TRAPPC9: variants seen among roughly 807,000 people sequenced by gnomAD.
TRAPPC9 encodes the protein trafficking protein particle complex subunit 9.
In TRAPPC9, 83 loss-of-function variants were observed where a neutral mutation model predicts 124.0. That is an observed-to-expected ratio of 0.67 (90% CI 0.56 to 0.80). The LOEUF (loss-of-function observed/expected upper bound fraction) is 0.80, where lower values mean the gene tolerates loss of function less well. Among genes scored for constraint, TRAPPC9 ranks in the 30% least tolerant of loss-of-function variants. The pLI, the probability that TRAPPC9 is intolerant of heterozygous loss-of-function variation, is 0.00. For missense variants in TRAPPC9, 1,302 were observed against 1,508.3 expected (o/e 0.86, Z 2.27); for synonymous variants, 638 against 617.5 (o/e 1.03, Z -0.49).
intron 20 of TRAPPC9, among the ~76,000 whole-genome samples, chr8:139,893,761 C>T (rs543416710): frequency 2.0e-5 from 3 of 152,358 alleles, no homozygotes; most frequent in South Asian, 4.1e-4. Context: ...GTAACTGATG[C>T]TGGCCCTTGG....
intron 7 of TRAPPC9, among the ~76,000 whole-genome samples, chr8:140,376,071 C>T (rs1267283147): frequency 1.3e-5 from 2 of 152,066 alleles, no homozygotes; most frequent in South Asian, 2.1e-4. Context: ...TCTCATATCC[C>T]GGAGTAGGGG....
In TRAPPC9 at chr8:139,785,644, G is replaced by A. The variant is rs908201778; in HGVS notation, c.3056-53442C>T. ...CTCGGGAGGCTGAGGCACATGAATCGCTTGAACCCGTGAGGTGGAGGTTGC... is the reference window on the plus strand; with the variant it reads ...CTCGGGAGGCTGAGGCACATGAATCACTTGAACCCGTGAGGTGGAGGTTGC... On this transcript the variant is annotated intron_variant, in intron 21 of 22. Coordinates refer to ENST00000438773, the MANE Select transcript of TRAPPC9 (RefSeq NM_001160372.4). Among the ~76,000 whole-genome samples the A allele has an allele frequency of 4.6e-5, 7 of 150,822 alleles. No homozygotes were observed. The East Asian group carries it at 5.9e-4, about 13-fold the overall frequency.
intron 9 of TRAPPC9, among the ~76,000 whole-genome samples, chr8:140,339,825 C>A (rs2067144607): frequency 6.6e-6 from 1 of 152,152 alleles, no homozygotes; most frequent in South Asian, 2.1e-4. Flanking sequence ...GCATTAAGTA[C>A]CTGCAACATA....
chr8:139,899,120 CAAAAAAAA>C (rs33927933), intron 20 of TRAPPC9, among the ~76,000 whole-genome samples: 2 of 45,468 alleles, frequency 4.4e-5, no homozygotes, highest in Non-Finnish European at 7.6e-5. Context: ...AACTCCGTCT[CAAAAAAAA>C]AAAAAAAAAA....
chr8:140,167,895 T>C (rs1032641741), intron 17 of TRAPPC9, among the ~76,000 whole-genome samples: 8 of 152,228 alleles, frequency 5.3e-5, no homozygotes, highest in African/African-American at 1.9e-4. Context: ...CTGCTCTGAA[T>C]GAACCTGCTC....
chr8:140,134,284 C>T (rs533827443), intron 17 of TRAPPC9, among the ~76,000 whole-genome samples: 42 of 151,396 alleles, frequency 2.8e-4, no homozygotes, highest in African/African-American at 9.7e-4. Context: ...TTTTCTTTTC[C>T]GGGGCAGAGT....
chr8:140,154,926 T>C (rs1424438279), intron 17 of TRAPPC9, among the ~76,000 whole-genome samples: 1 of 152,202 alleles, frequency 6.6e-6, no homozygotes, highest in Non-Finnish European at 1.5e-5. Flanking sequence ...AGTTCCCTCC[T>C]GCGGGCTCCA....
At chr8:140,311,456 A>G (rs2066296814) in intron 9 of TRAPPC9, 82 bp from the exon 10 acceptor site, 5 of 1,540,350 alleles carry the variant, frequency 3.2e-6, no homozygotes, top group African/African-American at 1.4e-5. Flanking sequence ...GGGGCATTTC[A>G]TGACAGTCCA....
intron 21 of TRAPPC9, among the ~76,000 whole-genome samples, chr8:139,856,090 C>T (rs998241900): frequency 2.6e-5 from 4 of 152,082 alleles, no homozygotes; most frequent in Admixed American, 1.3e-4. Context: ...GGAGGGTGAC[C>T]GAGGCAACGC....
At chr8:139,946,095 A>AG (rs1186389642) in intron 19 of TRAPPC9, among the ~76,000 whole-genome samples, 1 of 152,198 alleles carries the variant, frequency 6.6e-6, no homozygotes, top group Non-Finnish European at 1.5e-5. Flanking sequence ...GAAATCCCCA[A>AG]GGGGGGAGGT....
At chr8:139,997,553 CGCATCCTACCCAGGGGAACAAT>C (rs1838097657) in intron 18 of TRAPPC9, among the ~76,000 whole-genome samples, 1 of 131,582 alleles carries the variant, frequency 7.6e-6, no homozygotes, top group Non-Finnish European at 1.6e-5. Flanking sequence ...GAAGAGACAA[CGCATCCTACCCAGGGGAACAAT>C]GCATCCTACC....
intron 21 of TRAPPC9, among the ~76,000 whole-genome samples, chr8:139,755,790 C>T (rs867768414): frequency 4.4e-4 from 56 of 127,712 alleles, no homozygotes; most frequent in Admixed American, 1.0e-3. Flanking sequence ...GACAGCAGGT[C>T]GCAGGAGGAG....
chr8:140,456,919 CTG>C, intron 1 of TRAPPC9: 1 of 781,068 alleles, frequency 1.3e-6, no homozygotes, highest in Non-Finnish European at 1.6e-6. Flanking sequence ...TTGGGAAGGT[CTG>C]CAGGGGTGGA....
chr8:140,031,206 C>A (rs1036186725), intron 17 of TRAPPC9, among the ~76,000 whole-genome samples: 7 of 152,276 alleles, frequency 4.6e-5, no homozygotes, highest in Non-Finnish European at 1.0e-4. Context: ...TCAGAAGAAA[C>A]AGCAGTGAGG....
chr8:139,931,147 C>T (rs539524983), intron 19 of TRAPPC9: 14 of 152,236 alleles, frequency 9.2e-5, no homozygotes, highest in Middle Eastern at 6.8e-3. Flanking sequence ...GTGAGATCCT[C>T]GGGAAACACT....
At chr8:140,362,906 G>C (rs961583994) in intron 8 of TRAPPC9, among the ~76,000 whole-genome samples, 4 of 152,194 alleles carry the variant, frequency 2.6e-5, no homozygotes, top group Non-Finnish European at 5.9e-5. Flanking sequence ...GCGATTATGA[G>C]TAAGACCGAG....
chr8:139,940,578 C>T (rs1833848126), intron 19 of TRAPPC9, among the ~76,000 whole-genome samples: 1 of 152,234 alleles, frequency 6.6e-6, no homozygotes, highest in Non-Finnish European at 1.5e-5. Context: ...TCAGCAGAGT[C>T]ACAGGCCTGG....
At chr8:139,933,950 T>C (rs1236115544) in intron 19 of TRAPPC9, 1 of 152,208 alleles carries the variant, frequency 6.6e-6, no homozygotes, top group Non-Finnish European at 1.5e-5. Flanking sequence ...TCTACTATGC[T>C]ATGTGGTTGC....
intron 19 of TRAPPC9, among the ~76,000 whole-genome samples, chr8:139,940,803 A>G (rs1164791030): frequency 6.6e-6 from 1 of 152,264 alleles, no homozygotes; most frequent in Non-Finnish European, 1.5e-5. Context: ...CAACCACAGC[A>G]GAGGTGGCTG....
Sources: gnomAD v4.1 joint callset for allele counts (sites outside exome capture counted in the v4.1 genomes callset) on GRCh38, gnomAD v4.1.1 for gene constraint, MANE v1.5 for transcripts, NCBI Gene and HGNC (gene_info 2026-07-23, HGNC 2026-07-21) for gene names.